Variants in SH3BGRL observed in about 807,000 individuals in gnomAD.
SH3BGRL encodes SH3 domain binding glutamate rich protein like.
A neutral mutation model predicts 9.8 loss-of-function variants in SH3BGRL; 7 were observed. The ratio of observed to expected loss-of-function variants is 0.72; its 90% CI spans 0.41 to 1.35. The LOEUF (loss-of-function observed/expected upper bound fraction) is 1.35, where lower values mean the gene tolerates loss of function less well. Among genes scored for constraint, SH3BGRL ranks in the 40% most tolerant of loss-of-function variants. The pLI, the probability that SH3BGRL is intolerant of heterozygous loss-of-function variation, is 0.01. For synonymous variants in SH3BGRL, 36 were observed against 29.1 expected, an observed-to-expected ratio of 1.24 and a Z score of -0.76; for missense variants, 73 against 84.4, an observed-to-expected ratio of 0.86 and a Z score of 0.53.
intron 3 of SH3BGRL, among the ~76,000 whole-genome samples, chrX:81,279,561 C>T: frequency 9.0e-6 from 1 of 111,421 alleles, no homozygotes; most frequent in Non-Finnish European, 1.9e-5. Context: ...CGAACAGATA[C>T]CCTCACTGGA....
Position 81,296,591 on chromosome X carries a change from C to G in SH3BGRL, c.313-604C>G, listed in dbSNP as rs571268248. ...TGTCTACCACGCTTGATTTCTACAACTTAAGTCTGATGTTTCCTTTTCTGG... is the reference window on the plus strand; with the variant it reads ...TGTCTACCACGCTTGATTTCTACAAGTTAAGTCTGATGTTTCCTTTTCTGG... On this transcript the variant is annotated intron_variant, in intron 3 of 3. Transcript: ENST00000373212. Among the ~76,000 whole-genome samples, 2 of 111,201 alleles carry G rather than the reference C, an allele frequency of 1.8e-5. 1 individual carries two copies. The highest frequency in any genetic ancestry group is 7.6e-4 in the South Asian group (2 of 2,639).
intron 1 of SH3BGRL, among the ~76,000 whole-genome samples, chrX:81,241,528 C>A (rs2075669677): frequency 8.9e-6 from 1 of 111,826 alleles, no homozygotes; most frequent in Non-Finnish European, 1.9e-5. Context: ...ATAAAAACCC[C>A]AGACTCAGCC....
In SH3BGRL at chrX:81,296,421, AC is replaced by A. The variant is rs776045393; in HGVS notation, c.313-773del. Among the ~76,000 whole-genome samples the A allele has an allele frequency of 8.9e-4, 99 of 111,594 alleles. 1 individual carries two copies. Among genetic ancestry groups the A allele is most frequent in the African/African-American group, 3.2e-3 (97 of 30,689 alleles). ...CATTTAATATTTTCTTCTTTCCTCT[AC>A]TTTTGCCTTTTTTGGGTAAAAATCT... On this transcript the variant is annotated intron_variant, in intron 3 of 3. Transcript: ENST00000373212.
At chrX:81,205,502 G>GTGTA (rs745430830) in intron 1 of SH3BGRL, among the ~76,000 whole-genome samples, 1 of 88,966 alleles carries the variant, frequency 1.1e-5, no homozygotes, top group African/African-American at 4.6e-5. Context: ...GTGTGTGTGT[G>GTGTA]TGTATATATA....
chrX:81,220,071 A>G (rs1380859987), intron 1 of SH3BGRL, among the ~76,000 whole-genome samples: 1 of 110,876 alleles, frequency 9.0e-6, no homozygotes, highest in Non-Finnish European at 1.9e-5. Flanking sequence ...ATATTGGCCT[A>G]TAGTTTTCTT....
chrX:81,204,552 G>T (rs2075539892), intron 1 of SH3BGRL, among the ~76,000 whole-genome samples: 1 of 111,084 alleles, frequency 9.0e-6, no homozygotes, highest in Admixed American at 9.6e-5. Flanking sequence ...TTGGATTGGT[G>T]GTAGCTGACT....
chrX:81,222,191 C>CT (rs1360399425), intron 1 of SH3BGRL, among the ~76,000 whole-genome samples: 1 of 111,395 alleles, frequency 9.0e-6, no homozygotes, highest in Non-Finnish European at 1.9e-5. Context: ...TTTTATTATA[C>CT]TTTAAGTTTT....
At position 81,202,129 on chromosome X, in the gene SH3BGRL, G is replaced by T; in HGVS notation, c.-72G>T. The T allele has an allele frequency of 9.4e-7, 1 of 1,063,164 alleles. No homozygotes were observed. Among genetic ancestry groups the T allele is most frequent in the South Asian group, 1.9e-5 (1 of 52,182 alleles). The allele number at this position is 1,063,164 out of a possible 1,213,427, so 87.6% of individuals were successfully genotyped here. A position where few individuals can be genotyped will look rare whatever the true frequency, so the allele number is the denominator to read the frequency against. On this transcript the variant is annotated 5_prime_UTR_variant, in exon 1 of 4. Transcript: ENST00000373212. ...CAACCGCTGTTTCAGCCCCTAGCTG[G>T]ATTCCAGCCATTGCTGCAGCTGCTC...
intron 1 of SH3BGRL, among the ~76,000 whole-genome samples, chrX:81,226,142 A>G (rs962948101): frequency 1.2e-4 from 13 of 111,313 alleles, no homozygotes; most frequent in Non-Finnish European, 1.9e-5. Context: ...TCTAGTTAGT[A>G]CAAAGGATTT....
chrX:81,287,863 G>A (rs184884011), intron 3 of SH3BGRL, among the ~76,000 whole-genome samples: 121 of 109,006 alleles, frequency 1.1e-3, no homozygotes, highest in Non-Finnish European at 2.0e-3. Context: ...GAGGAGGAAC[G>A]AATAGTTCCA....
chrX:81,203,878 C>CT (rs1396386446), intron 1 of SH3BGRL, among the ~76,000 whole-genome samples: 275 of 104,352 alleles, frequency 2.6e-3, no homozygotes, highest in African/African-American at 8.6e-3. Flanking sequence ...TATTGGACTC[C>CT]TTTTTTTTTT....
intron 1 of SH3BGRL, among the ~76,000 whole-genome samples, chrX:81,205,936 T>C (rs1478879042): frequency 5.4e-5 from 6 of 111,781 alleles, no homozygotes; most frequent in Non-Finnish European, 7.5e-5. Flanking sequence ...ATTATAGTTT[T>C]GATTTGCATT....
At chrX:81,209,141 G>A (rs981941478) in intron 1 of SH3BGRL, among the ~76,000 whole-genome samples, 2 of 108,150 alleles carry the variant, frequency 1.8e-5, no homozygotes, top group Non-Finnish European at 3.8e-5. Flanking sequence ...TCAAGTAGCT[G>A]GGACCACAGA....
intron 1 of SH3BGRL, among the ~76,000 whole-genome samples, chrX:81,225,621 G>C (rs780498636): frequency 9.0e-6 from 1 of 111,494 alleles, no homozygotes; most frequent in African/African-American, 3.3e-5. Flanking sequence ...ATTCCATGGT[G>C]TATATTTTTA....
chrX:81,291,823 A>T (rs1193740645), intron 3 of SH3BGRL, among the ~76,000 whole-genome samples: 3 of 112,319 alleles, frequency 2.7e-5, no homozygotes, highest in Admixed American at 9.4e-5. Flanking sequence ...TGCTCTATGT[A>T]AGACTGAAAC....
rs761840913 is a variant in SH3BGRL at position 81,205,924 on chromosome X, TC to T, written c.45+3680del. ...ATTTTAATTGGAGTGAGATGTTATC[TC>T]ATTATAGTTTTGATTTGCATTTTCC... On this transcript the variant is annotated intron_variant, in intron 1 of 3. Transcript: ENST00000373212. Among the ~76,000 whole-genome samples the T allele has an allele frequency of 4.5e-5, 5 of 111,709 alleles. No homozygotes were observed. The East Asian group carries it at 1.4e-3, about 31-fold the overall frequency.
chrX:81,240,224 T>C (rs1197376468), intron 1 of SH3BGRL, among the ~76,000 whole-genome samples: 1 of 111,987 alleles, frequency 8.9e-6, no homozygotes, highest in Non-Finnish European at 1.9e-5. Flanking sequence ...TTTGGAGACA[T>C]AGACAATACA....
At chrX:81,269,620 C>A (rs925571552) in intron 1 of SH3BGRL, among the ~76,000 whole-genome samples, 68 of 111,526 alleles carry the variant, frequency 6.1e-4, no homozygotes, top group Non-Finnish European at 1.1e-3. Context: ...TTGTGGGTAA[C>A]CCGACCTTTC....
At chrX:81,217,220 C>A (rs778561189) in intron 1 of SH3BGRL, among the ~76,000 whole-genome samples, 12 of 110,855 alleles carry the variant, frequency 1.1e-4, no homozygotes, top group Non-Finnish European at 1.5e-4. Context: ...TTTCAAAAAA[C>A]CAGCTTTTTG....
Sources: allele counts gnomAD v4.1 joint callset (sites outside exome capture counted in the v4.1 genomes callset), GRCh38; gene constraint gnomAD v4.1.1; transcripts MANE v1.5; gene names NCBI Gene and HGNC (gene_info 2026-07-23, HGNC 2026-07-21).